Variants in CD247 observed in about 807,000 individuals in gnomAD.
CD247 encodes the protein CD247 molecule.
A neutral mutation model predicts 30.0 loss-of-function variants in CD247; 13 were observed. The ratio of observed to expected loss-of-function variants is 0.43; its 90% CI spans 0.28 to 0.69. The LOEUF is 0.69. CD247 is among the 30% of genes least tolerant of loss of function. The probability of loss-of-function intolerance (pLI) is 0.16; values close to 1 mark genes in which losing one functional copy is unlikely to be tolerated. For synonymous variants in CD247, 72 were observed against 80.0 expected (o/e 0.90, Z 0.53); for missense variants, 193 against 212.6 (o/e 0.91, Z 0.57).
chr1:167,503,731 G>C lies in CD247; in HGVS notation c.58+14677C>G, dbSNP rs542944818. 3.3e-5 allele frequency among the ~76,000 whole-genome samples: 5 copies of C among 152,284 alleles called. No homozygotes were observed. In the East Asian group the frequency reaches 9.7e-4, roughly 29 times the overall value. ...GGACAAGGAAGGGTGACACATCTGAGCAGGTGGCAACAGGGTCTGCCTGGG... is the reference window on the plus strand; with the variant it reads ...GGACAAGGAAGGGTGACACATCTGACCAGGTGGCAACAGGGTCTGCCTGGG... On this transcript the variant is annotated intron_variant, in intron 1 of 7. Transcript: ENST00000362089.
intron 1 of CD247, among the ~76,000 whole-genome samples, chr1:167,498,024 AGATCTT>A: frequency 6.6e-6 from 1 of 152,330 alleles, no homozygotes; most frequent in Non-Finnish European, 1.5e-5. Context: ...TTCCTGCTAC[AGATCTT>A]GCTGTAGATG....
chr1:167,502,800 T>C (rs1425693866), intron 1 of CD247, among the ~76,000 whole-genome samples: 2 of 152,066 alleles, frequency 1.3e-5, no homozygotes, highest in African/African-American at 4.8e-5. Context: ...ATTGGGATGA[T>C]GCATCTACAA....
intron 1 of CD247, among the ~76,000 whole-genome samples, chr1:167,516,584 G>A (rs1342329072): frequency 6.6e-6 from 1 of 152,194 alleles, no homozygotes; most frequent in Non-Finnish European, 1.5e-5. Context: ...AAGCACCATC[G>A]CAGCCCTCGG....
At position 167,518,391 on chromosome 1, in the gene CD247, C is replaced by G. The variant is rs371314747; in HGVS notation, c.58+17G>C. ...AGAGTTTCTAGAAGTTCCCTGCCGT[C>G]GACACGTCGGCCCTACCTGTAATCG... On this transcript the variant is annotated intron_variant, in intron 1 of 7. Coordinates refer to ENST00000362089, the MANE Select transcript of CD247 (RefSeq NM_198053.3). 3 of 1,613,576 alleles carry G rather than the reference C, an allele frequency of 1.9e-6. No homozygotes were observed. Among genetic ancestry groups the G allele is most frequent in the Non-Finnish European group, 2.5e-6 (3 of 1,179,604 alleles).
chr1:167,455,310 G>A (rs1652589387), intron 1 of CD247, among the ~76,000 whole-genome samples: 1 of 152,198 alleles, frequency 6.6e-6, no homozygotes, highest in Admixed American at 6.5e-5. Flanking sequence ...GGTCCCTCCC[G>A]GGTCAAAGCT....
In CD247 at chr1:167,482,025, C is replaced by G. The variant is rs1266611521; in HGVS notation, c.58+36383G>C. ...CCCACTCCCTCTTCTGCCTCTCAAC[C>G]AAGACTTCTGGGGACCTTTCTTTTT... On this transcript the variant is annotated intron_variant, in intron 1 of 7. Coordinates refer to ENST00000362089, the MANE Select transcript of CD247 (RefSeq NM_198053.3). Among the ~76,000 whole-genome samples the G allele has an allele frequency of 2.6e-5, 4 of 152,186 alleles. No homozygotes were observed. The South Asian group carries it at 8.3e-4, about 31-fold the overall frequency.
intron 1 of CD247, among the ~76,000 whole-genome samples, chr1:167,470,918 C>T (rs1436551217): frequency 1.4e-5 from 2 of 147,670 alleles, no homozygotes; most frequent in Admixed American, 6.8e-5. Flanking sequence ...GTCACCCAGG[C>T]TGGAGTGCAA....
At chr1:167,443,895 G>T (rs1264493517) in intron 1 of CD247, among the ~76,000 whole-genome samples, 2 of 152,186 alleles carry the variant, frequency 1.3e-5, no homozygotes, top group East Asian at 3.9e-4. Context: ...TGGGCCTGAG[G>T]AAGACAGTCA....
At chr1:167,445,056 G>T (rs1195885246) in intron 1 of CD247, among the ~76,000 whole-genome samples, 1 of 152,004 alleles carries the variant, frequency 6.6e-6, no homozygotes, top group Admixed American at 6.5e-5. Context: ...CTCCCAAGTG[G>T]CTGGGATTAC....
rs988272614 is a variant in CD247 at position 167,430,931 on chromosome 1, C to A, written c.*750G>T. ...AACGGCCTCCTCTTGCTCCGCAGCA[C>A]TTTATTCACACTGTGTAACCACATG... On this transcript the variant is annotated 3_prime_UTR_variant, in exon 8 of 8. Transcript: ENST00000362089. 3 of 398,404 alleles carry A rather than the reference C, an allele frequency of 7.5e-6. No homozygotes were observed. Among genetic ancestry groups the A allele is most frequent in the African/African-American group, 4.1e-5 (2 of 48,460 alleles). The allele number at this position is 398,404 out of a possible 1,614,324, so 24.7% of individuals were successfully genotyped here.
chr1:167,495,196 C>G (rs1325308960), intron 1 of CD247, among the ~76,000 whole-genome samples: 2 of 152,200 alleles, frequency 1.3e-5, no homozygotes, highest in African/African-American at 4.8e-5. Context: ...GGCTGTCTAC[C>G]TAGTATCTAT....
intron 1 of CD247, among the ~76,000 whole-genome samples, chr1:167,462,760 T>C (rs1301090043): frequency 2.0e-5 from 3 of 152,026 alleles, no homozygotes; most frequent in Admixed American, 6.5e-5. Flanking sequence ...AAGTCTGCCC[T>C]CCCTCCCTGC....
intron 1 of CD247, among the ~76,000 whole-genome samples, chr1:167,466,766 G>A (rs188535824): frequency 3.7e-4 from 56 of 152,304 alleles, no homozygotes; most frequent in Admixed American, 1.4e-3. Context: ...CAACAGGCTG[G>A]AGCCCCTTGA....
intron 1 of CD247, among the ~76,000 whole-genome samples, chr1:167,474,243 C>A (rs1420700597): frequency 1.3e-5 from 2 of 151,986 alleles, no homozygotes; most frequent in Non-Finnish European, 2.9e-5. Context: ...CAGCCTCAGG[C>A]AAAGTTACTG....
At chr1:167,487,458 G>C (rs1229372354) in intron 1 of CD247, among the ~76,000 whole-genome samples, 2 of 152,192 alleles carry the variant, frequency 1.3e-5, no homozygotes, top group African/African-American at 4.8e-5. Context: ...CTTCCTCCAG[G>C]TGGGCATCCC....
chr1:167,460,851 T>C (rs1652974850), intron 1 of CD247, among the ~76,000 whole-genome samples: 1 of 152,308 alleles, frequency 6.6e-6, no homozygotes, highest in Non-Finnish European at 1.5e-5. Flanking sequence ...GAGTCTGGGC[T>C]GGGAGACACC....
intron 1 of CD247, among the ~76,000 whole-genome samples, chr1:167,501,273 G>A (rs858540): frequency 0.027 from 4,159 of 151,860 alleles, 85 homozygotes; most frequent in Non-Finnish European, 0.036. Flanking sequence ...TGGCCAGGCT[G>A]ATCTCAAACT....
chr1:167,509,619 A>G (rs1655301966), intron 1 of CD247, among the ~76,000 whole-genome samples: 1 of 152,126 alleles, frequency 6.6e-6, no homozygotes, highest in Non-Finnish European at 1.5e-5. Context: ...ATGTTCCTGA[A>G]ACTATCTGGG....
intron 1 of CD247, among the ~76,000 whole-genome samples, chr1:167,471,005 G>A (rs1288152121): frequency 1.3e-5 from 2 of 151,694 alleles, no homozygotes; most frequent in Non-Finnish European, 2.9e-5. Context: ...CCGAGTAGCT[G>A]GGACTACAGG....
Sources: allele counts gnomAD v4.1 joint callset (sites outside exome capture counted in the v4.1 genomes callset), GRCh38; gene constraint gnomAD v4.1.1; transcripts MANE v1.5; gene names NCBI Gene and HGNC (gene_info 2026-07-23, HGNC 2026-07-21).